Variants in GPC5 observed in about 807,000 individuals in gnomAD.
GPC5 encodes the protein glypican 5.
A neutral mutation model predicts 53.9 loss-of-function variants in GPC5; 47 were observed. That is an observed-to-expected ratio of 0.87 (90% CI 0.69 to 1.11). The LOEUF (loss-of-function observed/expected upper bound fraction) is 1.11. Ranked by LOEUF, GPC5 falls within the 50% of genes most tolerant of loss-of-function variation. The probability of loss-of-function intolerance (pLI) is 0.00; values close to 1 mark genes in which losing one functional copy is unlikely to be tolerated. For missense variants in GPC5, 748 were observed against 713.1 expected (o/e 1.05, Z -0.56); for synonymous variants, 286 against 263.3 (o/e 1.09, Z -0.84).
chr13:91,817,541 T>A (rs1283807690), intron 5 of GPC5, among the ~76,000 whole-genome samples: 1 of 152,094 alleles, frequency 6.6e-6, no homozygotes, highest in Non-Finnish European at 1.5e-5. Flanking sequence ...ATGATACCAG[T>A]TTTTGGAATT....
At chr13:92,323,036 A>C (rs1041719661) in intron 7 of GPC5, among the ~76,000 whole-genome samples, 1 of 151,822 alleles carries the variant, frequency 6.6e-6, no homozygotes, top group African/African-American at 2.4e-5. Context: ...TTCCCAAAAA[A>C]TATATAATAC....
chr13:92,718,244 T>C (rs1319641324), intron 7 of GPC5, among the ~76,000 whole-genome samples: 4 of 152,156 alleles, frequency 2.6e-5, no homozygotes, highest in Non-Finnish European at 5.9e-5. Flanking sequence ...AATGTAGATC[T>C]GTACTACCAT....
chr13:92,202,343 G>T (rs190111498), intron 7 of GPC5, among the ~76,000 whole-genome samples: 1 of 152,240 alleles, frequency 6.6e-6, no homozygotes, highest in African/African-American at 2.4e-5. Flanking sequence ...CAAAGTGTTT[G>T]TTATTTTGAT....
At chr13:92,848,687 T>A (rs1594547926) in intron 7 of GPC5, among the ~76,000 whole-genome samples, 1 of 151,804 alleles carries the variant, frequency 6.6e-6, no homozygotes, top group East Asian at 1.9e-4. Context: ...GTGATGAAAA[T>A]AAGAAGGAAA....
At chr13:92,018,428 T>C (rs1282673486) in intron 6 of GPC5, among the ~76,000 whole-genome samples, 1 of 152,124 alleles carries the variant, frequency 6.6e-6, no homozygotes, top group Non-Finnish European at 1.5e-5. Context: ...AAATCTAATA[T>C]TATCCCATCT....
At chr13:91,886,472 T>C (rs546302428) in intron 5 of GPC5, among the ~76,000 whole-genome samples, 6 of 152,328 alleles carry the variant, frequency 3.9e-5, no homozygotes, top group Admixed American at 6.5e-5. Flanking sequence ...CAATCATGTC[T>C]TCCCAACGTC....
rs74105029 is a variant in GPC5 at position 91,512,848 on chromosome 13, G to A, written c.325+63926G>A. On this transcript the variant is annotated intron_variant, in intron 2 of 7. Coordinates refer to ENST00000377067, the MANE Select transcript of GPC5 (RefSeq NM_004466.6). ...ACCATTAGGGTTTTTTGCATACTAA[G>A]TTCTGTGATGTGTGTTTTAATCTAT... Among the ~76,000 whole-genome samples the A allele has an allele frequency of 8.1e-3, 1,233 of 152,252 alleles. 19 individuals carry two copies. Among genetic ancestry groups the A allele is most frequent in the African/African-American group, 0.028 (1,161 of 41,534 alleles).
At chr13:92,285,233 A>C (rs1057077671) in intron 7 of GPC5, among the ~76,000 whole-genome samples, 3 of 152,206 alleles carry the variant, frequency 2.0e-5, no homozygotes, top group Non-Finnish European at 2.9e-5. Flanking sequence ...GTTCAATGAA[A>C]TAAAAGAAGA....
intron 7 of GPC5, among the ~76,000 whole-genome samples, chr13:92,167,551 T>C (rs2042040713): frequency 6.6e-6 from 1 of 152,230 alleles, no homozygotes. Flanking sequence ...TTCTGTTTTC[T>C]CTTTTGAGTA....
At chr13:91,687,632 AC>A (rs1555337827) in intron 2 of GPC5, among the ~76,000 whole-genome samples, 2 of 151,892 alleles carry the variant, frequency 1.3e-5, no homozygotes, top group Non-Finnish European at 2.9e-5. Flanking sequence ...AATTCGATCT[AC>A]CACTCAGGCA....
At chr13:92,760,858 G>GT (rs990242014) in intron 7 of GPC5, among the ~76,000 whole-genome samples, 2 of 151,804 alleles carry the variant, frequency 1.3e-5, no homozygotes, top group African/African-American at 2.4e-5. Flanking sequence ...TTCTATTATT[G>GT]TTTGTTTCAA....
Position 91,794,691 on chromosome 13 carries a change from C to T in GPC5, c.1280+38271C>T, listed in dbSNP as rs114513778. Among the ~76,000 whole-genome samples the T allele has an allele frequency of 6.6e-3, 1,009 of 152,294 alleles. 9 individuals carry two copies. The highest frequency in any genetic ancestry group is 0.023 in the African/African-American group (955 of 41,560). On this transcript the variant is annotated intron_variant, in intron 5 of 7. Coordinates refer to ENST00000377067, the MANE Select transcript of GPC5 (RefSeq NM_004466.6). ...ACAATAAATTAGGTCTAGGGTCTAACGTCTAGCAAGTGAGTCTTCCCTTTA... is the reference window on the plus strand; with the variant it reads ...ACAATAAATTAGGTCTAGGGTCTAATGTCTAGCAAGTGAGTCTTCCCTTTA...
intron 3 of GPC5, among the ~76,000 whole-genome samples, chr13:91,698,951 A>C (rs1300250929): frequency 2.0e-5 from 3 of 152,232 alleles, no homozygotes; most frequent in Non-Finnish European, 2.9e-5. Context: ...AAACTATTGC[A>C]TATAATTTCA....
intron 1 of GPC5, among the ~76,000 whole-genome samples, chr13:91,424,697 T>A (rs1467133860): frequency 6.6e-5 from 10 of 152,028 alleles, no homozygotes; most frequent in East Asian, 1.9e-4. Flanking sequence ...ACACTAAGAA[T>A]GTGGTTACCC....
chr13:91,620,718 G>A (rs2033831094), intron 2 of GPC5, among the ~76,000 whole-genome samples: 2 of 152,234 alleles, frequency 1.3e-5, no homozygotes, highest in South Asian at 4.1e-4. Flanking sequence ...TTGCTAGTGA[G>A]CCTGTTATTT....
At chr13:91,817,315 A>G (rs967824930) in intron 5 of GPC5, among the ~76,000 whole-genome samples, 1 of 152,172 alleles carries the variant, frequency 6.6e-6, no homozygotes, top group African/African-American at 2.4e-5. Flanking sequence ...TCCAAAAAGG[A>G]ACAAATGTTA....
intron 7 of GPC5, among the ~76,000 whole-genome samples, chr13:92,572,074 C>G (rs1460886924): frequency 6.6e-6 from 1 of 152,062 alleles, no homozygotes; most frequent in Non-Finnish European, 1.5e-5. Flanking sequence ...CATGTGAAAT[C>G]TTAGGCTATA....
chr13:92,605,940 A>G (rs1451888508), intron 7 of GPC5, among the ~76,000 whole-genome samples: 1 of 152,166 alleles, frequency 6.6e-6, no homozygotes, highest in Non-Finnish European at 1.5e-5. Context: ...GAAAACAAAA[A>G]GGAGGAAACT....
At chr13:91,503,556 C>T (rs767516906) in intron 2 of GPC5, among the ~76,000 whole-genome samples, 3 of 151,546 alleles carry the variant, frequency 2.0e-5, no homozygotes, top group Non-Finnish European at 2.9e-5. Flanking sequence ...CTGAGGCTGG[C>T]GGATCACGAG....
Sources: gnomAD v4.1 joint callset for allele counts (sites outside exome capture counted in the v4.1 genomes callset) on GRCh38, gnomAD v4.1.1 for gene constraint, MANE v1.5 for transcripts, NCBI Gene and HGNC (gene_info 2026-07-23, HGNC 2026-07-21) for gene names.